Variants in TMEM232 observed in about 807,000 individuals in gnomAD.
TMEM232 encodes transmembrane protein 232.
TMEM232 carries 80 observed loss-of-function variants against 78.8 expected under a neutral mutation model. The ratio of observed to expected loss-of-function variants is 1.01; its 90% CI spans 0.85 to 1.22. The LOEUF is 1.22. Among genes scored for constraint, TMEM232 ranks in the 50% most tolerant of loss-of-function variants. The pLI is 0.00. For synonymous variants in TMEM232, 297 were observed against 254.3 expected, an observed-to-expected ratio of 1.17 and a Z score of -1.60; for missense variants, 881 against 742.2, an observed-to-expected ratio of 1.19 and a Z score of -2.17.
chr5:110,606,192 A>G lies in TMEM232; in HGVS notation c.998T>C (p.Val333Ala), dbSNP rs1247060367. The G allele has an allele frequency of 2.6e-6, 4 of 1,548,312 alleles. No individual in the cohort carries two copies. The highest frequency in any genetic ancestry group is 2.0e-5 in the Admixed American group (1 of 50,912). Residue 333 changes from valine to alanine, a missense_variant, in exon 9 of 14, where the codon GTT becomes GCT. Val to Ala is a moderately conservative substitution (Grantham distance 64, BLOSUM62 0). Coordinates refer to ENST00000455884, the MANE Select transcript of TMEM232 (RefSeq NM_001039763.4). ...KALMDVVRDF[V>A]SSIMSVQNQE... ...ATTTTGAACAGACATAATGCTTGAAACAAAATCTCTCACTACGTCCATTAA... is the reference window on the plus strand; with the variant it reads ...ATTTTGAACAGACATAATGCTTGAAGCAAAATCTCTCACTACGTCCATTAA...
intron 12 of TMEM232, among the ~76,000 whole-genome samples, chr5:110,488,765 GAA>G (rs1275968602): frequency 6.6e-6 from 1 of 151,764 alleles, no homozygotes; most frequent in Non-Finnish European, 1.5e-5. Context: ...TCAATAGAAC[GAA>G]AAGTTGGTTC....
chr5:110,680,683 G>C (rs1350625110), intron 1 of TMEM232, among the ~76,000 whole-genome samples: 1 of 151,926 alleles, frequency 6.6e-6, no homozygotes, highest in African/African-American at 2.4e-5. Flanking sequence ...TATAGGATGA[G>C]CATGCTAGAT....
At chr5:110,541,727 CT>C (rs1746973014) in intron 11 of TMEM232, among the ~76,000 whole-genome samples, 1 of 152,116 alleles carries the variant, frequency 6.6e-6, no homozygotes, top group South Asian at 2.1e-4. Context: ...CATAATACCC[CT>C]AGAGCAAAAA....
intron 12 of TMEM232, among the ~76,000 whole-genome samples, chr5:110,429,066 T>C (rs1046953548): frequency 2.0e-5 from 3 of 151,828 alleles, no homozygotes; most frequent in Admixed American, 6.6e-5. Context: ...AAGTTGTTAT[T>C]AGGAGTGGGA....
intron 10 of TMEM232, among the ~76,000 whole-genome samples, chr5:110,587,104 T>C (rs1208946715): frequency 6.6e-6 from 1 of 152,052 alleles, no homozygotes; most frequent in Admixed American, 6.6e-5. Context: ...ATTCATCCAT[T>C]TTAAATAAGG....
intron 10 of TMEM232, among the ~76,000 whole-genome samples, chr5:110,589,165 T>A (rs993903487): frequency 2.6e-5 from 4 of 152,114 alleles, no homozygotes; most frequent in Non-Finnish European, 5.9e-5. Flanking sequence ...TCTGGATGCA[T>A]ACGGGTCTGT....
At chr5:110,589,529 A>G (rs568703592) in intron 10 of TMEM232, among the ~76,000 whole-genome samples, 9 of 152,312 alleles carry the variant, frequency 5.9e-5, no homozygotes, top group African/African-American at 1.9e-4. Context: ...AGTTCAGTAT[A>G]GGGAGGCAGT....
intron 9 of TMEM232, among the ~76,000 whole-genome samples, chr5:110,605,866 T>C (rs1328459246): frequency 6.6e-6 from 1 of 152,062 alleles, no homozygotes; most frequent in Non-Finnish European, 1.5e-5. Flanking sequence ...GAATAACAAT[T>C]CAACATTACT....
In TMEM232 at chr5:110,510,079, G is replaced by A. The variant is rs116736859; in HGVS notation, c.1703+18509C>T. On this transcript the variant is annotated intron_variant, in intron 12 of 13. Coordinates refer to ENST00000455884, the MANE Select transcript of TMEM232 (RefSeq NM_001039763.4). ...TGACATTCCTCAAAATTCTACCAGA[G>A]GCCTGTTTCTCATGTTACTGTGCTC... 6.4e-3 allele frequency among the ~76,000 whole-genome samples: 979 copies of A among 152,032 alleles called. 10 individuals carry two copies. The highest frequency in any genetic ancestry group is 0.022 in the African/African-American group (915 of 41,430).
intron 12 of TMEM232, among the ~76,000 whole-genome samples, chr5:110,501,596 T>C (rs977167114): frequency 4.6e-5 from 7 of 152,092 alleles, no homozygotes; most frequent in Admixed American, 2.6e-4. Context: ...CATAGGTTGG[T>C]AGAATTTAAG....
intron 2 of TMEM232, among the ~76,000 whole-genome samples, chr5:110,654,985 T>C (rs1014889555): frequency 1.3e-5 from 2 of 152,124 alleles, no homozygotes; most frequent in Non-Finnish European, 2.9e-5. Context: ...ATTCAGGACA[T>C]AGGCATGGGC....
intron 8 of TMEM232, among the ~76,000 whole-genome samples, chr5:110,615,968 A>C (rs1406865480): frequency 6.6e-6 from 1 of 152,006 alleles, no homozygotes; most frequent in African/African-American, 2.4e-5. Flanking sequence ...TGGATAGGAA[A>C]AATTAATATT....
intron 6 of TMEM232, among the ~76,000 whole-genome samples, chr5:110,626,374 G>A (rs1784425078): frequency 1.3e-5 from 2 of 151,964 alleles, no homozygotes; most frequent in Non-Finnish European, 2.9e-5. Flanking sequence ...CAAGTGAAAT[G>A]TTAGACAAGA....
intron 12 of TMEM232, among the ~76,000 whole-genome samples, chr5:110,458,448 C>T (rs1190683322): frequency 6.6e-6 from 1 of 152,100 alleles, no homozygotes; most frequent in East Asian, 1.9e-4. Context: ...TCTGAATTTT[C>T]CAGGAGTGCA....
At chr5:110,419,050 G>T (rs967710250), downstream of TMEM232, among the ~76,000 whole-genome samples, 2 of 152,094 alleles carry the variant, frequency 1.3e-5, no homozygotes, top group Non-Finnish European at 2.9e-5. Context: ...TTGAAACCTT[G>T]ATGGGTTTAG....
intron 1 of TMEM232, among the ~76,000 whole-genome samples, chr5:110,673,820 A>G (rs946268885): frequency 2.0e-5 from 3 of 152,220 alleles, no homozygotes; most frequent in Non-Finnish European, 4.4e-5. Context: ...CGGTATGGCC[A>G]TACGAATGGG....
rs1021412167 is a variant in TMEM232 at position 110,576,990 on chromosome 5, C to T, written c.1277-8365G>A. On this transcript the variant is annotated intron_variant, in intron 10 of 13. Transcript: ENST00000455884. Reference sequence around the variant, plus strand: ...ACACACACAAGCAAATAAGTCATGACGAAGATACCAAAAGCATTGCAACAA... The same window carrying T: ...ACACACACAAGCAAATAAGTCATGATGAAGATACCAAAAGCATTGCAACAA... Among the ~76,000 whole-genome samples, 3 of 151,906 alleles carry T rather than the reference C, an allele frequency of 2.0e-5. No homozygotes were observed. The South Asian group carries it at 6.2e-4, about 32-fold the overall frequency.
intron 11 of TMEM232, among the ~76,000 whole-genome samples, chr5:110,567,023 C>T (rs1297418421): frequency 6.6e-6 from 1 of 151,774 alleles, no homozygotes; most frequent in Non-Finnish European, 1.5e-5. Context: ...TGCAGGGAAA[C>T]TGTCTTTATA....
At chr5:110,406,303 CACAT>C (rs1755791327) in intron 2 of TMEM232, among the ~76,000 whole-genome samples, 3 of 145,750 alleles carry the variant, frequency 2.1e-5, no homozygotes, top group Non-Finnish European at 4.5e-5. Context: ...CACACACACA[CACAT>C]ATGTGTCTAT....
Sources: allele counts gnomAD v4.1 joint callset (sites outside exome capture counted in the v4.1 genomes callset), GRCh38; gene constraint gnomAD v4.1.1; transcripts MANE v1.5; gene names NCBI Gene and HGNC (gene_info 2026-07-23, HGNC 2026-07-21).